Variants in UBR3 observed in about 807,000 individuals in gnomAD.
The protein encoded by UBR3 is E3 ubiquitin-protein ligase UBR3.
A neutral mutation model predicts 243.2 loss-of-function variants in UBR3; 85 were observed. That is an observed-to-expected ratio of 0.35 (90% CI 0.29 to 0.42). The LOEUF (loss-of-function observed/expected upper bound fraction) is 0.42, where lower values mean the gene tolerates loss of function less well. UBR3 is among the 10% of genes least tolerant of loss of function. The probability of loss-of-function intolerance (pLI) is 1.00; values close to 1 mark genes in which losing one functional copy is unlikely to be tolerated. For missense variants in UBR3, 1,686 were observed against 2,300.8 expected (o/e 0.73, Z 5.47); for synonymous variants, 748 against 799.8 (o/e 0.94, Z 1.09).
At chr2:169,929,373 G>A (rs1034835828) in intron 18 of UBR3, among the ~76,000 whole-genome samples, 8 of 152,002 alleles carry the variant, frequency 5.3e-5, no homozygotes, top group African/African-American at 1.7e-4. Context: ...TCAGGAGTTC[G>A]AGACCATCCT....
intron 1 of UBR3, among the ~76,000 whole-genome samples, chr2:169,852,710 G>T (rs891071322): frequency 1.3e-5 from 2 of 151,410 alleles, no homozygotes; most frequent in East Asian, 1.9e-4. Flanking sequence ...AAAAAGCTGG[G>T]TGTGGTGGCA....
chr2:169,836,022 TCTC>T (rs1558998413), intron 1 of UBR3, among the ~76,000 whole-genome samples: 7 of 28,478 alleles, frequency 2.5e-4, no homozygotes, highest in African/African-American at 6.8e-4. Context: ...TCTCTCTCTC[TCTC>T]TCTCTCTCTC....
At chr2:170,014,535 A>G (rs962408396) in intron 29 of UBR3, 1 of 152,002 alleles carries the variant, frequency 6.6e-6, no homozygotes, top group Non-Finnish European at 1.5e-5. Flanking sequence ...TGGTTCTTTT[A>G]CTGTTACTGT....
intron 5 of UBR3, among the ~76,000 whole-genome samples, chr2:169,883,451 T>A (rs1474201929): frequency 2.0e-5 from 3 of 152,202 alleles, no homozygotes; most frequent in Non-Finnish European, 2.9e-5. Flanking sequence ...TCCTTTTTGT[T>A]ATAAACGAGT....
intron 32 of UBR3, among the ~76,000 whole-genome samples, chr2:170,053,765 A>T (rs899665343): frequency 7.2e-5 from 11 of 152,230 alleles, no homozygotes; most frequent in African/African-American, 2.7e-4. Flanking sequence ...TGTCAAGAAT[A>T]TCTGCAAGTT....
At chr2:169,979,573 A>G (rs934439351) in intron 24 of UBR3, among the ~76,000 whole-genome samples, 6 of 152,242 alleles carry the variant, frequency 3.9e-5, no homozygotes, top group African/African-American at 4.8e-5. Context: ...CAGCAATAAA[A>G]AGGAATGAAC....
intron 33 of UBR3, among the ~76,000 whole-genome samples, chr2:170,058,471 C>G (rs1042163915): frequency 6.7e-6 from 1 of 149,940 alleles, no homozygotes; most frequent in Non-Finnish European, 1.5e-5. Context: ...TTTTCTTTTT[C>G]TTTTTCTTTC....
intron 30 of UBR3, among the ~76,000 whole-genome samples, chr2:170,028,609 C>T (rs1201196468): frequency 6.7e-6 from 1 of 149,278 alleles, no homozygotes; most frequent in African/African-American, 2.5e-5. Flanking sequence ...AATTATTATT[C>T]TGTGTGGCAG....
chr2:169,896,799 G>A, intron 8 of UBR3, 64 bp downstream of exon 8: 5 of 1,154,356 alleles, frequency 4.3e-6, no homozygotes, highest in Non-Finnish European at 4.8e-6. Flanking sequence ...TATTATTAGT[G>A]TACTTCATAT....
At chr2:169,850,531 T>C (rs2082621886) in intron 1 of UBR3, among the ~76,000 whole-genome samples, 1 of 152,134 alleles carries the variant, frequency 6.6e-6, no homozygotes, top group Non-Finnish European at 1.5e-5. Flanking sequence ...GTAAGAGTTT[T>C]AGGTGAAGGG....
intron 24 of UBR3, among the ~76,000 whole-genome samples, chr2:169,980,437 C>T (rs7606333): frequency 0.64 from 98,005 of 152,022 alleles, 32,279 homozygotes; most frequent in East Asian, 0.83. Flanking sequence ...CCAGTAGAAA[C>T]TGGAATGGGG....
intron 31 of UBR3, among the ~76,000 whole-genome samples, chr2:170,038,995 G>A (rs555919431): frequency 6.6e-6 from 1 of 151,124 alleles, no homozygotes; most frequent in Non-Finnish European, 1.5e-5. Context: ...TAGAGAGTTC[G>A]AGAGAGTCAT....
At chr2:170,022,246 C>T (rs1444163687) in intron 30 of UBR3, among the ~76,000 whole-genome samples, 1 of 149,838 alleles carries the variant, frequency 6.7e-6, no homozygotes, top group Non-Finnish European at 1.5e-5. Flanking sequence ...AATAATAATA[C>T]TTGTGGATAC....
chr2:169,890,563 A>ATGTG (rs1553504516), intron 5 of UBR3, among the ~76,000 whole-genome samples: 11 of 83,870 alleles, frequency 1.3e-4, no homozygotes, highest in South Asian at 4.2e-4. Context: ...ATATATATAT[A>ATGTG]TGTGTATATA....
chr2:170,042,550 A>G (rs2090993328), intron 32 of UBR3, among the ~76,000 whole-genome samples: 1 of 151,934 alleles, frequency 6.6e-6, no homozygotes, highest in Non-Finnish European at 1.5e-5. Context: ...TTAGCCTGGC[A>G]TGGTGGCATG....
intron 24 of UBR3, among the ~76,000 whole-genome samples, chr2:169,976,108 CTT>C (rs35631134): frequency 2.0e-5 from 3 of 148,064 alleles, no homozygotes. Context: ...AGTTGGGCCA[CTT>C]TTTTTTTTTA....
intron 36 of UBR3, chr2:170,078,238 A>C (rs2091850542): frequency 2.2e-6 from 1 of 461,948 alleles, no homozygotes; most frequent in Admixed American, 3.1e-5. Flanking sequence ...TCTCATGGTA[A>C]TCCAAATGAT....
chr2:169,961,904 G>C (rs2087593552), intron 24 of UBR3, among the ~76,000 whole-genome samples: 1 of 132,762 alleles, frequency 7.5e-6, no homozygotes, highest in Admixed American at 8.8e-5. Context: ...AACTGGTATA[G>C]TCATCCTCCG....
chr2:169,947,464 T>TG, intron 21 of UBR3, 78 bp from the exon 22 acceptor site: 3 of 1,153,748 alleles, frequency 2.6e-6, no homozygotes, highest in South Asian at 6.2e-5. Context: ...TGGATGATTT[T>TG]GGGGGGCTTG....
Sources: allele counts gnomAD v4.1 joint callset (sites outside exome capture counted in the v4.1 genomes callset), GRCh38; gene constraint gnomAD v4.1.1; transcripts MANE v1.5; gene names NCBI Gene and HGNC (gene_info 2026-07-23, HGNC 2026-07-21).